The following CSMD3 variants were observed in gnomAD, a reference collection of about 807,000 sequenced individuals.
The protein encoded by CSMD3 is CUB and Sushi multiple domains 3, also known as CUB and sushi domain-containing protein 3.
In CSMD3, 177 loss-of-function variants were observed where a neutral mutation model predicts 435.2. The observed-to-expected ratio is 0.41, with a 90% confidence interval of 0.36 to 0.46. The LOEUF (loss-of-function observed/expected upper bound fraction) is 0.46, where lower values mean the gene tolerates loss of function less well. Ranked by LOEUF, CSMD3 falls within the 20% of genes least tolerant of loss-of-function variation. The pLI, the probability that CSMD3 is intolerant of heterozygous loss-of-function variation, is 0.34. For synonymous variants in CSMD3, 1,656 were observed against 1,520.5 expected (o/e 1.09, Z -2.07); for missense variants, 4,265 against 4,504.6 (o/e 0.95, Z 1.52).
intron 27 of CSMD3, among the ~76,000 whole-genome samples, chr8:112,536,612 A>G (rs577427651): frequency 3.3e-5 from 5 of 152,224 alleles, no homozygotes; most frequent in East Asian, 3.9e-4. Context: ...TCAGTGTAGC[A>G]ATTCCTCAGG....
chr8:113,255,783 T>C (rs2093374772), intron 3 of CSMD3, among the ~76,000 whole-genome samples: 2 of 151,902 alleles, frequency 1.3e-5, no homozygotes, highest in African/African-American at 4.8e-5. Flanking sequence ...TCATATCTAC[T>C]GTTTGTCTCT....
At chr8:112,838,288 C>A (rs1382146236) in intron 11 of CSMD3, among the ~76,000 whole-genome samples, 1 of 151,776 alleles carries the variant, frequency 6.6e-6, no homozygotes, top group Non-Finnish European at 1.5e-5. Context: ...TGAGAAGGAA[C>A]ACTAGCGATG....
At chr8:112,795,973 A>T (rs942404804) in intron 13 of CSMD3, among the ~76,000 whole-genome samples, 1 of 152,020 alleles carries the variant, frequency 6.6e-6, no homozygotes, top group African/African-American at 2.4e-5. Flanking sequence ...ATAAAAAAAA[A>T]TGCACACATC....
At chr8:112,826,954 A>G (rs953787787) in intron 12 of CSMD3, among the ~76,000 whole-genome samples, 7 of 151,836 alleles carry the variant, frequency 4.6e-5, no homozygotes, top group Non-Finnish European at 1.0e-4. Flanking sequence ...CAATTGGTAC[A>G]TCAGAATTCA....
chr8:112,810,652 C>T (rs2079200457), intron 12 of CSMD3, among the ~76,000 whole-genome samples: 1 of 151,834 alleles, frequency 6.6e-6, no homozygotes, highest in South Asian at 2.1e-4. Context: ...AGAGGTGCCT[C>T]ATAAGGATAC....
At chr8:113,327,617 C>T (rs1324353713) in intron 1 of CSMD3, among the ~76,000 whole-genome samples, 1 of 152,118 alleles carries the variant, frequency 6.6e-6, no homozygotes, top group Non-Finnish European at 1.5e-5. Context: ...ATTTGGTGCT[C>T]CTCAACGCAT....
intron 4 of CSMD3, among the ~76,000 whole-genome samples, chr8:113,133,447 GTGGAATAAA>G (rs1428341497): frequency 2.0e-5 from 3 of 152,070 alleles, no homozygotes; most frequent in Non-Finnish European, 4.4e-5. Context: ...TGGCAAAAAT[GTGGAATAAA>G]TCAGAACCCT....
At chr8:112,750,035 G>A (rs1587170104) in intron 13 of CSMD3, among the ~76,000 whole-genome samples, 1 of 151,360 alleles carries the variant, frequency 6.6e-6, no homozygotes, top group African/African-American at 2.4e-5. Context: ...GAAACCCCCT[G>A]ACAATAAAAT....
rs560732674 is a variant in CSMD3 at position 112,447,204 on chromosome 8, G to A, written c.5395+25387C>T. The stretch of plus-strand genomic sequence containing the variant: ...GATAAATATTCAAACTAAGTGATAT[G>A]TCAGGTATTTTTCTGCTTTATTATT... On this transcript the variant is annotated intron_variant, in intron 32 of 70. Transcript: ENST00000297405. Among the ~76,000 whole-genome samples, 7 of 152,058 alleles carry A rather than the reference G, an allele frequency of 4.6e-5. No homozygotes were observed. The East Asian group carries it at 1.4e-3, about 29-fold the overall frequency.
chr8:112,720,170 T>C (rs1400244259), intron 13 of CSMD3, among the ~76,000 whole-genome samples: 2 of 152,160 alleles, frequency 1.3e-5, no homozygotes, highest in East Asian at 3.9e-4. Context: ...GTACATTCAT[T>C]TGGTAGTTTA....
intron 11 of CSMD3, among the ~76,000 whole-genome samples, chr8:112,849,693 G>C (rs997183293): frequency 1.3e-5 from 2 of 151,728 alleles, no homozygotes; most frequent in African/African-American, 2.4e-5. Flanking sequence ...TAGATCAGGA[G>C]ATAAAAACAA....
intron 42 of CSMD3, among the ~76,000 whole-genome samples, chr8:112,340,225 A>G (rs1824964748): frequency 6.6e-6 from 1 of 152,198 alleles, no homozygotes; most frequent in African/African-American, 2.4e-5. Context: ...GAGAAATTCA[A>G]CCAATTACCC....
chr8:112,990,948 A>G (rs999302479), intron 6 of CSMD3, among the ~76,000 whole-genome samples: 4 of 151,862 alleles, frequency 2.6e-5, no homozygotes, highest in African/African-American at 9.7e-5. Flanking sequence ...ATTTTTTTAA[A>G]ATCCTGAAAT....
At chr8:112,520,938 C>A (rs1268903629) in intron 27 of CSMD3, among the ~76,000 whole-genome samples, 4 of 151,896 alleles carry the variant, frequency 2.6e-5, no homozygotes, top group Non-Finnish European at 2.9e-5. Context: ...GTATTTACAT[C>A]CATATTTTGT....
At chr8:113,131,430 T>G (rs1368225978) in intron 4 of CSMD3, among the ~76,000 whole-genome samples, 2 of 152,068 alleles carry the variant, frequency 1.3e-5, no homozygotes, top group Non-Finnish European at 2.9e-5. Flanking sequence ...GGGGCCAATA[T>G]GCAGCTTGAA....
chr8:113,267,590 A>G (rs2093481754), intron 3 of CSMD3, among the ~76,000 whole-genome samples: 1 of 151,736 alleles, frequency 6.6e-6, no homozygotes, highest in Admixed American at 6.6e-5. Context: ...AGAAACTTGG[A>G]AGGGTGAATG....
At chr8:112,921,899 T>C in intron 9 of CSMD3, 148 bp from the exon 10 acceptor site, 4 of 675,046 alleles carry the variant, frequency 5.9e-6, no homozygotes, top group Non-Finnish European at 1.1e-5. Context: ...GTATGACTTG[T>C]AGAAATGTAA....
chr8:113,070,953 C>T (rs1484570684), intron 5 of CSMD3, among the ~76,000 whole-genome samples: 7 of 152,030 alleles, frequency 4.6e-5, no homozygotes, highest in African/African-American at 1.4e-4. Context: ...TACAAGAATG[C>T]CCCTTTTGTC....
rs981839441 is a variant in CSMD3, at chr8:112,409,150, A to C, written c.5396-118T>G. On this transcript the variant is annotated intron_variant, in intron 32 of 70. Transcript: ENST00000297405. ...AACAAAGTATTACAATATAATAGTC[A>C]TTTTTTTTCTACCTAAAAGAGGATA... The C allele has an allele frequency of 3.3e-6, 5 of 1,525,648 alleles. No individual in the cohort carries two copies. In the African/African-American group the frequency reaches 7.0e-5, roughly 21 times the overall value. 94.5% of individuals were successfully genotyped at this position (1,525,648 alleles called of 1,614,324 possible).
Sources: allele counts gnomAD v4.1 joint callset (sites outside exome capture counted in the v4.1 genomes callset), GRCh38; gene constraint gnomAD v4.1.1; transcripts MANE v1.5; gene names NCBI Gene and HGNC (gene_info 2026-07-23, HGNC 2026-07-21).